STAB1: variants seen among roughly 807,000 people sequenced by gnomAD.
STAB1 encodes the protein stabilin-1.
Under a neutral mutation model 332.4 loss-of-function variants are expected in STAB1, and 250 were observed. The observed-to-expected ratio is 0.75, with a 90% confidence interval of 0.68 to 0.84. The LOEUF (loss-of-function observed/expected upper bound fraction) is 0.84, where lower values mean the gene tolerates loss of function less well. Ranked by LOEUF, STAB1 falls within the 40% of genes least tolerant of loss-of-function variation. STAB1 has a pLI of 0.00. For missense variants in STAB1, 3,249 were observed against 3,489.7 expected (o/e 0.93, Z 1.74); for synonymous variants, 1,475 against 1,390.4 (o/e 1.06, Z -1.35).
chr3:52,520,433 A>G lies in STAB1; in HGVS notation c.5533A>G (p.Ile1845Val), dbSNP rs2079035310. Residue 1845 changes from isoleucine (I) to valine (V), a missense_variant, in exon 53 of 69, where the codon ATT (isoleucine) becomes GTT (valine). Ile to Val is a conservative substitution (Grantham distance 29, BLOSUM62 3). Coordinates refer to ENST00000321725, the MANE Select transcript of STAB1 (RefSeq NM_015136.3). ...ELMVGEDDAR[I>V]VQRHLPFEGG... Reference sequence around the variant, plus strand: ...CATGGTGGGTGAGGATGATGCTCGCATTGTGCAGCGGCACTTGCCCTTTGA... The same window carrying G: ...CATGGTGGGTGAGGATGATGCTCGCGTTGTGCAGCGGCACTTGCCCTTTGA... The G allele has an allele frequency of 6.2e-7, 1 of 1,612,502 alleles. No individual in the cohort carries two copies. The highest frequency in any genetic ancestry group is 1.3e-5 in the African/African-American group (1 of 75,044).
chr3:52,522,042 G>T lies in STAB1; in HGVS notation c.6277G>T (p.Asp2093Tyr), dbSNP rs1320144807. Residue 2093 changes from aspartate (D) to tyrosine (Y), a missense_variant, in exon 59 of 69, where the codon GAC becomes TAC. Transcript: ENST00000321725. Reference protein sequence around the residue: ...EGDGRVCTVADLCQDGHGGCS... With the variant: ...EGDGRVCTVAYLCQDGHGGCS... Reference sequence around the variant, plus strand: ...CACTCCCTCCCTGCCCTCAGTGGCAGACCTGTGCCAGGACGGGCATGGTGG... The same window carrying T: ...CACTCCCTCCCTGCCCTCAGTGGCATACCTGTGCCAGGACGGGCATGGTGG... 2 of 1,613,246 alleles carry T rather than the reference G, an allele frequency of 1.2e-6. No homozygotes were observed. The highest frequency in any genetic ancestry group is 2.7e-5 in the African/African-American group (2 of 74,932).
At chr3:52,518,677 T>A in intron 47 of STAB1, 46 bp from the exon 48 acceptor site, 6 of 1,611,916 alleles carry the variant, frequency 3.7e-6, no homozygotes, top group Non-Finnish European at 5.1e-6. Context: ...CTGCGTGGGC[T>A]GAGGCGGCAG....
chr3:52,512,882 G>A lies in STAB1; in HGVS notation c.3082G>A (p.Glu1028Lys), dbSNP rs577144426. ...CCGAGTCACAGCCCTGGTGCCCTCC[G>A]AGGCTGCAGTCCGTCAGCTGAGCCC... ...DRRVTALVPS[E>K]AAVRQLSPED... is the part of the protein sequence containing the mutation. Residue 1028 changes from glutamate (E) to lysine (K), a missense_variant, in exon 29 of 69, where the codon GAG (glutamate) becomes AAG (lysine). Coordinates refer to ENST00000321725, the MANE Select transcript of STAB1 (RefSeq NM_015136.3). 3.1e-6 allele frequency: 5 copies of A among 1,611,700 alleles called. No individual in the cohort carries two copies. Among genetic ancestry groups the A allele is most frequent in the African/African-American group, 2.7e-5 (2 of 74,898 alleles).
intron 38 of STAB1, 31 bp from the exon 39 acceptor site, chr3:52,516,325 G>T (rs1575346977): frequency 6.2e-7 from 1 of 1,605,474 alleles, no homozygotes. Flanking sequence ...GAGGCACTGG[G>T]CAACTCCTAT....
intron 18 of STAB1, 57 bp from the exon 19 acceptor site, chr3:52,507,556 G>A: frequency 6.4e-7 from 1 of 1,551,616 alleles, no homozygotes; most frequent in Non-Finnish European, 8.8e-7. Flanking sequence ...CTCTGGGTTT[G>A]CCGAGTAAAT....
Position 52,512,921 on chromosome 3 carries a change from T to C in STAB1, c.3121T>C (p.Phe1041Leu), listed in dbSNP as rs371509000. The C allele has an allele frequency of 6.2e-7, 1 of 1,611,890 alleles. No homozygotes were observed. Among genetic ancestry groups the C allele is most frequent in the Non-Finnish European group, 8.5e-7 (1 of 1,179,722 alleles). ...VRQLSPEDRA[F>L]WLQPRTLPNL... ...TCAGCTGAGCCCCGAGGACCGAGCT[T>C]TCTGGCTGCAGCCAAGGACGCTGCC... is the stretch of plus-strand genomic sequence containing the variant. Residue 1041 changes from phenylalanine (F) to leucine (L), a missense_variant, in exon 29 of 69, where the codon TTC (phenylalanine) becomes CTC (leucine). Phe to Leu is a conservative substitution (Grantham distance 22). Transcript: ENST00000321725.
chr3:52,521,321 A>G, intron 55 of STAB1, 40 bp from the exon 56 acceptor site: 1 of 1,611,878 alleles, frequency 6.2e-7, no homozygotes, highest in Non-Finnish European at 8.5e-7. Context: ...TCCTGGTGAG[A>G]GCCCCTGGCC....
At position 52,499,755 on chromosome 3, in the gene STAB1, C is replaced by T. The variant is rs969893883; in HGVS notation, c.79-1411C>T. 1.2e-3 allele frequency among the ~76,000 whole-genome samples: 183 copies of T among 151,398 alleles called. 1 individual carries two copies. Among genetic ancestry groups the T allele is most frequent in the African/African-American group, 3.9e-3 (162 of 41,262 alleles). ...TCTACTAAAAATACAAAAAATTAGCCGGGCGTAGTGGCGGGCGCCTGTAGT... is the reference window on the plus strand; with the variant it reads ...TCTACTAAAAATACAAAAAATTAGCTGGGCGTAGTGGCGGGCGCCTGTAGT... On this transcript the variant is annotated intron_variant, in intron 1 of 68. Transcript: ENST00000321725.
In STAB1 at chr3:52,516,553, C is replaced by T. The variant is rs149997523; in HGVS notation, c.4252C>T (p.Pro1418Ser). ...GLRCDQKITS[P>S]QCPRKCDPNA... Reference sequence around the variant, plus strand: ...CTCCTGCCCCCCAGAAATCACCAGCCCTCAGTGCCCTAGGAAGTGCGACCC... The same window carrying T: ...CTCCTGCCCCCCAGAAATCACCAGCTCTCAGTGCCCTAGGAAGTGCGACCC... The change falls in exon 40 of 69, where the codon CCT becomes TCT. Residue 1418 changes from proline (P) to serine (S), a missense_variant. Transcript: ENST00000321725. The T allele has an allele frequency of 7.1e-5, 115 of 1,613,246 alleles. No homozygotes were observed. The African/African-American group carries it at 1.3e-3, about 18-fold the overall frequency.
chr3:52,524,355 G>T lies in STAB1; in HGVS notation c.7712G>T (p.Ter2571LeuextTer5). The change falls in exon 69 of 69, where the codon TGA becomes TTA. Residue 2571 changes from the stop codon to leucine, a stop_lost. Coordinates refer to ENST00000321725, the MANE Select transcript of STAB1 (RefSeq NM_015136.3). The stretch of plus-strand genomic sequence containing the variant: ...ACCCAGAGGATCCTCACAGTCAAGT[G>T]ACGAGGCTGGGGCTGAAAGCAGAAG... The part of the protein sequence containing the change: ...PDTQRILTVK[*>L] 7 of 1,613,780 alleles carry T rather than the reference G, an allele frequency of 4.3e-6. No homozygotes were observed. The highest frequency in any genetic ancestry group is 5.9e-6 in the Non-Finnish European group (7 of 1,180,012).
chr3:52,517,699 C>T (rs1178475540), intron 44 of STAB1, 75 bp downstream of exon 44: 1 of 1,576,064 alleles, frequency 6.3e-7, no homozygotes, highest in Non-Finnish European at 8.7e-7. Context: ...CCCTTCTCAC[C>T]TCCAGCAGGG....
chr3:52,520,565 G>A lies in STAB1; in HGVS notation c.5649+16G>A. ...CCTGCGACTGGTGAGGGAGGCCAGA[G>A]GCAGACGGGCAGAAGCCCACCCCGC... On this transcript the variant is annotated intron_variant, in intron 53 of 68. Transcript: ENST00000321725. The A allele has an allele frequency of 6.2e-7, 1 of 1,610,840 alleles. No individual in the cohort carries two copies. The highest frequency in any genetic ancestry group is 8.5e-7 in the Non-Finnish European group (1 of 1,178,346).
In STAB1 at chr3:52,523,940, C is replaced by T; in HGVS notation, c.7465C>T (p.Leu2489=). ...GVGAVLAAGA[L]LGLVAGALYL... ...GGGGGCTGTGCTTGCCGCTGGAGCA[C>T]TGCTTGGCTTGGTGGCCGGAGCTCT... is the stretch of plus-strand genomic sequence containing the variant. The change falls in exon 67 of 69, where the codon CTG becomes TTG. Residue 2489 remains leucine, a synonymous_variant. Transcript: ENST00000321725. The T allele has an allele frequency of 1.2e-6, 2 of 1,610,736 alleles. No individual in the cohort carries two copies. The highest frequency in any genetic ancestry group is 1.7e-6 in the Non-Finnish European group (2 of 1,179,930).
intron 23 of STAB1, 27 bp from the exon 24 acceptor site, chr3:52,510,115 G>A (rs373653428): frequency 7.4e-6 from 12 of 1,613,690 alleles, no homozygotes; most frequent in Admixed American, 1.7e-5. Context: ...GAGGCTCACT[G>A]GAGCCCCCTC....
At chr3:52,506,301 G>A in intron 17 of STAB1, 51 bp downstream of exon 17, 1 of 1,505,942 alleles carries the variant, frequency 6.6e-7, no homozygotes, top group Non-Finnish European at 9.1e-7. Flanking sequence ...GTGACCAGCT[G>A]CCCACTTGGC....
Position 52,504,732 on chromosome 3 carries a change from T to C in STAB1, c.1240-7T>C, listed in dbSNP as rs748835136. ...GGCTCACTTTGCTCCCCGCCTTGCG[T>C]CTGCAGGCATCCCTTGCCCAGCAGC... On this transcript the variant is annotated splice_polypyrimidine_tract_variant and splice_region_variant and intron_variant, in intron 11 of 68. Coordinates refer to ENST00000321725, the MANE Select transcript of STAB1 (RefSeq NM_015136.3). The C allele has an allele frequency of 5.6e-6, 9 of 1,613,628 alleles. No individual in the cohort carries two copies. Among genetic ancestry groups the C allele is most frequent in the Non-Finnish European group, 7.6e-6 (9 of 1,179,996 alleles).
intron 21 of STAB1, 49 bp from the exon 22 acceptor site, chr3:52,509,161 T>C (rs1575324668): frequency 6.4e-7 from 1 of 1,559,204 alleles, no homozygotes. Flanking sequence ...AGAGGGGATG[T>C]AGAGAGTCCC....
In STAB1 at chr3:52,520,715, T is replaced by TGAGTGGGGG; in HGVS notation, c.5706+18_5706+26dup. ...CAGGAGCAGGTACAGGGCTAGGGGCTGAGTGGGGGTGGTGGGGTGGGGGCA... is the reference window on the plus strand; with the variant it reads ...CAGGAGCAGGTACAGGGCTAGGGGCTGAGTGGGGGGAGTGGGGGTGGTGGGGTGGGGGCA... On this transcript the variant is annotated intron_variant, in intron 54 of 68. Coordinates refer to ENST00000321725, the MANE Select transcript of STAB1 (RefSeq NM_015136.3). 6.9e-7 allele frequency: 1 copy of TGAGTGGGGG among 1,447,638 alleles called. No homozygotes were observed. The highest frequency in any genetic ancestry group is 9.1e-7 in the Non-Finnish European group (1 of 1,094,186). 89.7% of individuals were successfully genotyped at this position (1,447,638 alleles called of 1,614,324 possible).
chr3:52,498,376 C>T (rs956795831), intron 1 of STAB1, among the ~76,000 whole-genome samples: 8 of 152,248 alleles, frequency 5.3e-5, no homozygotes, highest in Admixed American at 5.2e-4. Flanking sequence ...CTCCACCCAG[C>T]TGGACCAACG....
Sources: allele counts gnomAD v4.1 joint callset (sites outside exome capture counted in the v4.1 genomes callset), GRCh38; gene constraint gnomAD v4.1.1; transcripts MANE v1.5; gene names NCBI Gene and HGNC (gene_info 2026-07-23, HGNC 2026-07-21).